BCKDHB: variants seen among roughly 807,000 people sequenced by gnomAD.
BCKDHB encodes 2-oxoisovalerate dehydrogenase subunit beta, mitochondrial.
In BCKDHB, 41 loss-of-function variants were observed where a neutral mutation model predicts 48.5. That is an observed-to-expected ratio of 0.85 (90% CI 0.66 to 1.10). The LOEUF (loss-of-function observed/expected upper bound fraction) is 1.10, where lower values mean the gene tolerates loss of function less well. BCKDHB is among the 50% of genes least tolerant of loss of function. BCKDHB has a pLI of 0.00. For missense variants in BCKDHB, 496 were observed against 494.2 expected, an observed-to-expected ratio of 1.00 and a Z score of -0.03; for synonymous variants, 201 against 174.8, an observed-to-expected ratio of 1.15 and a Z score of -1.18.
At chr6:80,164,241 A>G (rs1772463573) in intron 3 of BCKDHB, among the ~76,000 whole-genome samples, 1 of 151,120 alleles carries the variant, frequency 6.6e-6, no homozygotes, top group Non-Finnish European at 1.5e-5. Flanking sequence ...ATCTCCTACT[A>G]CTCTTTCTTT....
chr6:80,393,322 T>A, the BCKDHB span, among the ~76,000 whole-genome samples: 1 of 152,162 alleles, frequency 6.6e-6, no homozygotes, highest in South Asian at 2.1e-4. Flanking sequence ...AATTCATATC[T>A]TTAAATATAA....
At chr6:80,413,736 T>C in the BCKDHB span, among the ~76,000 whole-genome samples, 1 of 152,250 alleles carries the variant, frequency 6.6e-6, no homozygotes, top group Non-Finnish European at 1.5e-5. Context: ...TCTTTGCTAT[T>C]GTGAATGGTG....
intron 8 of BCKDHB, among the ~76,000 whole-genome samples, chr6:80,257,530 A>C (rs969271961): frequency 6.6e-6 from 1 of 151,738 alleles, no homozygotes; most frequent in African/African-American, 2.4e-5. Flanking sequence ...AGGCTTCTTC[A>C]GAGAGACAGA....
chr6:80,156,401 C>G (rs2070568777), intron 3 of BCKDHB, among the ~76,000 whole-genome samples: 1 of 151,982 alleles, frequency 6.6e-6, no homozygotes, highest in African/African-American at 2.4e-5. Context: ...TTGCCACACC[C>G]AAAAGAACCT....
the BCKDHB span, among the ~76,000 whole-genome samples, chr6:80,363,485 G>A: frequency 5.9e-5 from 9 of 152,256 alleles, no homozygotes; most frequent in African/African-American, 2.2e-4. Flanking sequence ...AATCCTATGA[G>A]TCTTTGGGTG....
At chr6:80,395,104 C>T in the BCKDHB span, among the ~76,000 whole-genome samples, 1 of 152,134 alleles carries the variant, frequency 6.6e-6, no homozygotes, top group Non-Finnish European at 1.5e-5. Context: ...AATATTTCTT[C>T]ATAGCAGGGT....
chr6:80,300,634 C>G (rs535903394), intron 9 of BCKDHB, among the ~76,000 whole-genome samples: 3 of 152,196 alleles, frequency 2.0e-5, no homozygotes, highest in Non-Finnish European at 4.4e-5. Context: ...TGGATGTTAA[C>G]TCAACATGTG....
chr6:80,290,089 G>A (rs1289023804), intron 9 of BCKDHB, among the ~76,000 whole-genome samples: 2 of 152,228 alleles, frequency 1.3e-5, no homozygotes, highest in African/African-American at 2.4e-5. Flanking sequence ...TGACTTGGAA[G>A]CACATTGGAT....
At chr6:80,450,711 C>T in the BCKDHB span, among the ~76,000 whole-genome samples, 5 of 152,094 alleles carry the variant, frequency 3.3e-5, no homozygotes, top group African/African-American at 1.2e-4. Context: ...CCATGATGGT[C>T]CCTGAGCTTT....
intron 9 of BCKDHB, among the ~76,000 whole-genome samples, chr6:80,331,399 A>G (rs999632643): frequency 1.3e-5 from 2 of 152,194 alleles, no homozygotes; most frequent in African/African-American, 4.8e-5. Flanking sequence ...TAACCATTCC[A>G]TAAATGTGCT....
chr6:80,294,614 A>G (rs1318794556), intron 9 of BCKDHB, among the ~76,000 whole-genome samples: 2 of 152,192 alleles, frequency 1.3e-5, no homozygotes, highest in African/African-American at 2.4e-5. Context: ...GGGGAGGTCT[A>G]TAAACGACCA....
chr6:80,367,591 A>G, the BCKDHB span, among the ~76,000 whole-genome samples: 6 of 152,256 alleles, frequency 3.9e-5, no homozygotes, highest in Non-Finnish European at 7.3e-5. Flanking sequence ...AATTAACACA[A>G]GTAAGAAAAT....
the BCKDHB span, among the ~76,000 whole-genome samples, chr6:80,431,707 A>T: frequency 3.3e-5 from 5 of 152,126 alleles, no homozygotes; most frequent in Non-Finnish European, 5.9e-5. Flanking sequence ...TTTTGAGCCT[A>T]TGTGCATCTT....
At chr6:80,437,422 G>C in the BCKDHB span, among the ~76,000 whole-genome samples, 1 of 152,024 alleles carries the variant, frequency 6.6e-6, no homozygotes, top group South Asian at 2.1e-4. Context: ...CACAATTAGA[G>C]GGCTTGCCAG....
chr6:80,399,489 C>G, the BCKDHB span, among the ~76,000 whole-genome samples: 1 of 152,056 alleles, frequency 6.6e-6, no homozygotes, highest in South Asian at 2.1e-4. Flanking sequence ...AAATGCAATC[C>G]TATTCACAAT....
chr6:80,396,790 C>A, the BCKDHB span, among the ~76,000 whole-genome samples: 20 of 152,280 alleles, frequency 1.3e-4, no homozygotes, highest in Admixed American at 7.2e-4. Flanking sequence ...TTTACTTCCC[C>A]TTTTGTCATG....
chr6:80,363,304 TTTGA>T, the BCKDHB span, among the ~76,000 whole-genome samples: 11 of 152,210 alleles, frequency 7.2e-5, no homozygotes, highest in Admixed American at 2.0e-4. Flanking sequence ...TTGATGAGAA[TTTGA>T]TTGAGCATAT....
chr6:80,351,422 AC>A, the BCKDHB span, among the ~76,000 whole-genome samples: 1 of 152,112 alleles, frequency 6.6e-6, no homozygotes, highest in African/African-American at 2.4e-5. Context: ...TCTTGTAGTT[AC>A]AAATGGAGAG....
intron 1 of BCKDHB, among the ~76,000 whole-genome samples, chr6:80,115,782 G>A (rs1026836788): frequency 2.6e-5 from 4 of 151,766 alleles, no homozygotes; most frequent in Non-Finnish European, 4.4e-5. Flanking sequence ...AACTACAGGC[G>A]CCTGCCACCA....
Sources: allele counts gnomAD v4.1 joint callset (sites outside exome capture counted in the v4.1 genomes callset), GRCh38; gene constraint gnomAD v4.1.1; transcripts MANE v1.5; gene names NCBI Gene and HGNC (gene_info 2026-07-23, HGNC 2026-07-21).